CDH12: variants seen among roughly 807,000 people sequenced by gnomAD.
The protein encoded by CDH12 is cadherin-12.
In CDH12, 41 loss-of-function variants were observed where a neutral mutation model predicts 74.1. The observed-to-expected ratio is 0.55, with a 90% CI of 0.43 to 0.72. The LOEUF (loss-of-function observed/expected upper bound fraction) is 0.72, where lower values mean the gene tolerates loss of function less well. Among genes scored for constraint, CDH12 ranks in the 30% least tolerant of loss-of-function variants. The pLI is 0.00. For synonymous variants in CDH12, 399 were observed against 355.0 expected (o/e 1.12, Z -1.39); for missense variants, 945 against 977.2 (o/e 0.97, Z 0.44).
At chr5:22,751,662 T>A (rs1745584065) in intron 1 of CDH12, among the ~76,000 whole-genome samples, 1 of 152,170 alleles carries the variant, frequency 6.6e-6, no homozygotes. Flanking sequence ...AATTCAAATG[T>A]AGCTGCCGCA....
chr5:22,605,145 T>A (rs1441762588), intron 1 of CDH12, among the ~76,000 whole-genome samples: 1 of 152,150 alleles, frequency 6.6e-6, no homozygotes, highest in African/African-American at 2.4e-5. Flanking sequence ...GAAGGAAAAG[T>A]TGTGCCTACG....
At chr5:22,127,366 A>T (rs1745932711) in intron 4 of CDH12, among the ~76,000 whole-genome samples, 1 of 151,950 alleles carries the variant, frequency 6.6e-6, no homozygotes, top group Admixed American at 6.6e-5. Flanking sequence ...CATCCCAGCT[A>T]CTCGGGAGGC....
intron 10 of CDH12, among the ~76,000 whole-genome samples, chr5:21,793,604 C>A (rs982674906): frequency 6.6e-6 from 1 of 151,598 alleles, no homozygotes; most frequent in Non-Finnish European, 1.5e-5. Flanking sequence ...AGGTCATGGC[C>A]AAATGGCTCT....
At chr5:22,318,768 C>T (rs994076092) in intron 3 of CDH12, among the ~76,000 whole-genome samples, 4 of 152,076 alleles carry the variant, frequency 2.6e-5, no homozygotes, top group African/African-American at 9.7e-5. Context: ...TGTATATGTA[C>T]ATGTGCATGT....
chr5:22,646,660 A>ACAACAC (rs1413865411), intron 1 of CDH12, among the ~76,000 whole-genome samples: 3 of 151,958 alleles, frequency 2.0e-5, no homozygotes, highest in African/African-American at 7.2e-5. Flanking sequence ...AAAAACAACA[A>ACAACAC]CAACACCAAC....
At chr5:22,128,167 G>C (rs191859799) in intron 4 of CDH12, among the ~76,000 whole-genome samples, 1 of 152,234 alleles carries the variant, frequency 6.6e-6, no homozygotes, top group Admixed American at 6.5e-5. Flanking sequence ...TGATGGTCAA[G>C]GTTAGAGCCA....
chr5:21,971,897 G>A (rs184714020), intron 6 of CDH12, among the ~76,000 whole-genome samples: 4 of 152,224 alleles, frequency 2.6e-5, no homozygotes, highest in Admixed American at 2.6e-4. Context: ...GTCAGTAACG[G>A]AGTGATCTTT....
chr5:22,366,764 A>G (rs908487907), intron 3 of CDH12, among the ~76,000 whole-genome samples: 2 of 152,214 alleles, frequency 1.3e-5, no homozygotes, highest in Admixed American at 1.3e-4. Flanking sequence ...TTCACAGTTT[A>G]GATAGAGTAT....
At chr5:22,008,521 A>G (rs1196151102) in intron 5 of CDH12, among the ~76,000 whole-genome samples, 3 of 152,036 alleles carry the variant, frequency 2.0e-5, no homozygotes, top group Admixed American at 6.6e-5. Flanking sequence ...GAGCCACTGC[A>G]CCCGACTTAC....
Position 22,839,984 on chromosome 5 carries a change from G to A in CDH12, c.-523+13074C>T, listed in dbSNP as rs1398633071. Among the ~76,000 whole-genome samples, 4 of 152,130 alleles carry A rather than the reference G, an allele frequency of 2.6e-5. No individual in the cohort carries two copies. The East Asian group carries it at 7.7e-4, about 29-fold the overall frequency. On this transcript the variant is annotated intron_variant, in intron 1 of 14. Transcript: ENST00000382254. Reference sequence around the variant, plus strand: ...AAGTGCGATTGAAACCACAAAATTAGTCACACACAAACCAGAACAAACTAA... The same window carrying A: ...AAGTGCGATTGAAACCACAAAATTAATCACACACAAACCAGAACAAACTAA...
chr5:22,284,725 G>A (rs547220320), intron 3 of CDH12, among the ~76,000 whole-genome samples: 31 of 152,240 alleles, frequency 2.0e-4, no homozygotes, highest in African/African-American at 6.7e-4. Flanking sequence ...TTCAACAAGT[G>A]TCTGAATACC....
chr5:22,751,624 G>A (rs1745581457), intron 1 of CDH12, among the ~76,000 whole-genome samples: 1 of 151,978 alleles, frequency 6.6e-6, no homozygotes, highest in African/African-American at 2.4e-5. Context: ...ATCCATTTAG[G>A]AGGTGTTTGT....
chr5:21,752,269 A>G (rs754525644), intron 14 of CDH12, 33 bp from the exon 15 acceptor site: 1 of 1,550,484 alleles, frequency 6.4e-7, no homozygotes, highest in Non-Finnish European at 8.7e-7. Context: ...ATTTGAGAAT[A>G]GAAAGCAGAT....
chr5:22,563,076 T>TCA (rs1739137849), intron 1 of CDH12, among the ~76,000 whole-genome samples: 1 of 147,210 alleles, frequency 6.8e-6, no homozygotes. Flanking sequence ...ATTTATATAT[T>TCA]TATATATATA....
intron 5 of CDH12, among the ~76,000 whole-genome samples, chr5:22,031,160 CTG>C (rs1359278880): frequency 6.6e-6 from 1 of 151,660 alleles, no homozygotes; most frequent in Non-Finnish European, 1.5e-5. Flanking sequence ...TGGTGAAACT[CTG>C]TCTCTACTAA....
chr5:22,762,416 G>A (rs1746275049), intron 1 of CDH12, among the ~76,000 whole-genome samples: 1 of 151,990 alleles, frequency 6.6e-6, no homozygotes, highest in African/African-American at 2.4e-5. Flanking sequence ...AAAATATTGT[G>A]ATTTGAGTTT....
At chr5:21,905,382 T>C (rs2150058117) in intron 6 of CDH12, among the ~76,000 whole-genome samples, 1 of 152,334 alleles carries the variant, frequency 6.6e-6, no homozygotes, top group East Asian at 1.9e-4. Flanking sequence ...GATTGGATGC[T>C]TGCTAAGCAG....
chr5:22,176,974 C>T (rs941162881), intron 4 of CDH12, among the ~76,000 whole-genome samples: 3 of 152,150 alleles, frequency 2.0e-5, no homozygotes, highest in Non-Finnish European at 4.4e-5. Flanking sequence ...GCCACCCACA[C>T]TACTGATTCA....
intron 8 of CDH12, among the ~76,000 whole-genome samples, chr5:21,826,922 A>G (rs1261943720): frequency 6.6e-6 from 1 of 152,116 alleles, no homozygotes; most frequent in Non-Finnish European, 1.5e-5. Flanking sequence ...TAGGGAGAAA[A>G]AACAGGTATG....
Sources: gnomAD v4.1 joint callset for allele counts (sites outside exome capture counted in the v4.1 genomes callset) on GRCh38, gnomAD v4.1.1 for gene constraint, MANE v1.5 for transcripts, NCBI Gene and HGNC (gene_info 2026-07-23, HGNC 2026-07-21) for gene names.